Variants in WWTR1 observed in about 807,000 individuals in gnomAD.
WWTR1 encodes WW domain containing transcription regulator 1.
WWTR1 carries 13 observed loss-of-function variants against 40.1 expected under a neutral mutation model. The observed-to-expected ratio is 0.32, with a 90% CI of 0.21 to 0.52. The LOEUF (loss-of-function observed/expected upper bound fraction) is 0.52, where lower values mean the gene tolerates loss of function less well. Ranked by LOEUF, WWTR1 falls within the 20% of genes least tolerant of loss-of-function variation. The pLI is 0.97. For missense variants in WWTR1, 436 were observed against 523.1 expected (o/e 0.83, Z 1.63); for synonymous variants, 230 against 210.1 (o/e 1.09, Z -0.82).
At chr3:149,718,326 G>T (rs1049624718) in intron 4 of WWTR1, among the ~76,000 whole-genome samples, 1 of 152,056 alleles carries the variant, frequency 6.6e-6, no homozygotes. Context: ...ATAGTAGAAA[G>T]CAGGAGATCG....
At chr3:149,585,669 G>C (rs774615075) in intron 2 of WWTR1, among the ~76,000 whole-genome samples, 10 of 152,086 alleles carry the variant, frequency 6.6e-5, no homozygotes, top group Middle Eastern at 3.2e-3. Flanking sequence ...TGGTGGTAAT[G>C]AGCATCTCAT....
intron 1 of WWTR1, among the ~76,000 whole-genome samples, chr3:149,687,021 A>T (rs868190858): frequency 6.6e-6 from 1 of 152,192 alleles, no homozygotes; most frequent in Non-Finnish European, 1.5e-5. Context: ...TGAAGGAGCC[A>T]CAGACTGCAG....
chr3:149,708,823 A>C (rs1715397894), intron 5 of WWTR1, among the ~76,000 whole-genome samples: 1 of 152,162 alleles, frequency 6.6e-6, no homozygotes, highest in Non-Finnish European at 1.5e-5. Flanking sequence ...TTTTGGAAAT[A>C]TACCCAGAAG....
intron 5 of WWTR1, among the ~76,000 whole-genome samples, chr3:149,709,266 T>C (rs1715420395): frequency 9.2e-6 from 1 of 108,362 alleles, no homozygotes. Context: ...TGGGCCATCA[T>C]GTCTGGCCTT....
chr3:149,599,253 G>A (rs1201162284), intron 2 of WWTR1, among the ~76,000 whole-genome samples: 1 of 152,218 alleles, frequency 6.6e-6, no homozygotes, highest in Non-Finnish European at 1.5e-5. Flanking sequence ...GATTGTTCTT[G>A]GACCTTCTGC....
chr3:149,632,192 C>T (rs553419549), intron 2 of WWTR1, among the ~76,000 whole-genome samples: 130 of 152,212 alleles, frequency 8.5e-4, no homozygotes, highest in African/African-American at 2.9e-3. Flanking sequence ...GGATTACGGG[C>T]GTGAGAGTAC....
rs185127210 is a variant in WWTR1, at chr3:149,615,634, T to C, written c.431+41242A>G. Among the ~76,000 whole-genome samples, 7 of 152,358 alleles carry C rather than the reference T, an allele frequency of 4.6e-5. No individual in the cohort carries two copies. The East Asian group carries it at 1.4e-3, about 29-fold the overall frequency. ...AATTAAGCTCTATTGGAATGGCTAC[T>C]TACTACGTGCCCAGCACTATTTCTA... On this transcript the variant is annotated intron_variant, in intron 2 of 6. Transcript: ENST00000360632.
intron 2 of WWTR1, among the ~76,000 whole-genome samples, chr3:149,609,187 A>G (rs1006075255): frequency 1.3e-5 from 2 of 152,234 alleles, no homozygotes; most frequent in Non-Finnish European, 2.9e-5. Context: ...AGTGCCATTC[A>G]GCTTTACACT....
intron 5 of WWTR1, 125 bp downstream of exon 5, chr3:149,527,711 T>G: frequency 1.5e-6 from 2 of 1,350,030 alleles, no homozygotes; most frequent in Non-Finnish European, 2.0e-6. Context: ...TCCCACTTCC[T>G]CCCTTTATTC....
At chr3:149,673,456 AC>A (rs1215393061) in intron 1 of WWTR1, among the ~76,000 whole-genome samples, 2 of 152,142 alleles carry the variant, frequency 1.3e-5, no homozygotes, top group Non-Finnish European at 2.9e-5. Context: ...TTTTTATGTT[AC>A]CCCCAATTTT....
chr3:149,686,832 C>G (rs562625268), intron 1 of WWTR1, among the ~76,000 whole-genome samples: 1 of 152,284 alleles, frequency 6.6e-6, no homozygotes, highest in East Asian at 1.9e-4. Context: ...GGTCTCTTCT[C>G]TCATTGCTAT....
At chr3:149,629,862 A>C (rs940373565) in intron 2 of WWTR1, among the ~76,000 whole-genome samples, 1 of 152,158 alleles carries the variant, frequency 6.6e-6, no homozygotes, top group Non-Finnish European at 1.5e-5. Context: ...GGGTATTATT[A>C]CTGAGACAGG....
chr3:149,544,468 A>T (rs1012187727), intron 3 of WWTR1, among the ~76,000 whole-genome samples: 3 of 152,178 alleles, frequency 2.0e-5, no homozygotes, highest in Non-Finnish European at 4.4e-5. Flanking sequence ...GGTGGAAGAG[A>T]GGTGTGAAGA....
chr3:149,663,569 G>A (rs760988309), intron 2 of WWTR1, among the ~76,000 whole-genome samples: 6 of 152,070 alleles, frequency 3.9e-5, no homozygotes, highest in African/African-American at 1.4e-4. Flanking sequence ...GGTGGCGCGT[G>A]CCTGTAATCC....
chr3:149,577,387 A>T (rs1393390183), intron 2 of WWTR1, among the ~76,000 whole-genome samples: 4 of 152,156 alleles, frequency 2.6e-5, no homozygotes, highest in Non-Finnish European at 1.5e-5. Context: ...AGTGCTTCCC[A>T]TGGAGAGCCC....
chr3:149,652,820 G>T (rs1281270606), intron 2 of WWTR1, among the ~76,000 whole-genome samples: 2 of 151,872 alleles, frequency 1.3e-5, no homozygotes, highest in Non-Finnish European at 2.9e-5. Context: ...GGTGGTAAAA[G>T]CACATTACTT....
At chr3:149,694,768 A>C (rs1714928521) in intron 1 of WWTR1, among the ~76,000 whole-genome samples, 1 of 152,250 alleles carries the variant, frequency 6.6e-6, no homozygotes, top group Non-Finnish European at 1.5e-5. Flanking sequence ...GTGTCTCAAA[A>C]AACTAAAAAA....
intron 2 of WWTR1, among the ~76,000 whole-genome samples, chr3:149,577,806 C>T (rs768182655): frequency 1.3e-5 from 2 of 151,884 alleles, no homozygotes; most frequent in African/African-American, 2.4e-5. Flanking sequence ...TGGGGTGGCA[C>T]TCCCACCCTC....
rs1380729703 is a variant in WWTR1 at position 149,666,736 on chromosome 3, CATTG to C, written c.-4+3048_-4+3051del. 9.2e-5 allele frequency among the ~76,000 whole-genome samples: 14 copies of C among 152,288 alleles called. No homozygotes were observed. In the East Asian group the frequency reaches 2.7e-3, roughly 29 times the overall value. On this transcript the variant is annotated intron_variant, in intron 2 of 7. Coordinates refer to the WWTR1 transcript ENST00000465804. ...GAAAAGTTTATGTCTTGCCAAAGGC[CATTG>C]ATTTATAACAAGAGCACCAGGACTC...
Sources: gnomAD v4.1 joint callset for allele counts (sites outside exome capture counted in the v4.1 genomes callset) on GRCh38, gnomAD v4.1.1 for gene constraint, MANE v1.5 for transcripts, NCBI Gene and HGNC (gene_info 2026-07-23, HGNC 2026-07-21) for gene names.